The following IGSF21 variants were observed in gnomAD, a reference collection of about 807,000 sequenced individuals.
IGSF21 encodes immunoglobulin superfamily member 21.
IGSF21 carries 28 observed loss-of-function variants against 46.8 expected under a neutral mutation model. The ratio of observed to expected loss-of-function variants is 0.60; its 90% CI spans 0.44 to 0.82. IGSF21 has a LOEUF of 0.82. IGSF21 is among the 40% of genes least tolerant of loss of function. The pLI is 0.00. For synonymous variants in IGSF21, 284 were observed against 273.6 expected, an observed-to-expected ratio of 1.04 and a Z score of -0.38; for missense variants, 624 against 665.5, an observed-to-expected ratio of 0.94 and a Z score of 0.69.
At chr1:18,255,884 G>A (rs1031253039) in intron 2 of IGSF21, among the ~76,000 whole-genome samples, 1 of 152,174 alleles carries the variant, frequency 6.6e-6, no homozygotes, top group East Asian at 1.9e-4. Context: ...GTGCAGGCTT[G>A]TGCAGCCCCA....
chr1:18,319,370 G>A (rs974887630), intron 3 of IGSF21, among the ~76,000 whole-genome samples: 1 of 152,222 alleles, frequency 6.6e-6, no homozygotes, highest in Non-Finnish European at 1.5e-5. Context: ...TAGTCACATG[G>A]CCACCTGCTG....
intron 1 of IGSF21, among the ~76,000 whole-genome samples, chr1:18,198,962 G>T (rs2087037990): frequency 1.3e-5 from 2 of 151,990 alleles, no homozygotes; most frequent in Non-Finnish European, 2.9e-5. Context: ...CAGGTTCCAT[G>T]GGCCAGATGA....
chr1:18,146,667 T>G (rs563384116), intron 1 of IGSF21, among the ~76,000 whole-genome samples: 161 of 152,288 alleles, frequency 1.1e-3, no homozygotes, highest in African/African-American at 3.7e-3. Context: ...CAAACTGGAA[T>G]TGGTTTCTGG....
At chr1:18,300,584 G>C (rs557185110) in intron 3 of IGSF21, among the ~76,000 whole-genome samples, 2 of 152,344 alleles carry the variant, frequency 1.3e-5, no homozygotes, top group East Asian at 3.9e-4. Context: ...TGGGCTGCCA[G>C]TCATTAGCAA....
Position 18,273,344 on chromosome 1 carries a change from C to CCTTTCCTTTCCTTTG in IGSF21, c.184-18508_184-18507insGCTTTCCTTTCCTTT, listed in dbSNP as rs1461966722. Among the ~76,000 whole-genome samples, 10 of 60,116 alleles carry CCTTTCCTTTCCTTTG rather than the reference C, an allele frequency of 1.7e-4. 1 individual carries two copies. The highest frequency in any genetic ancestry group is 6.6e-4 in the African/African-American group (9 of 13,678). 39.4% of individuals were successfully genotyped at this position (60,116 alleles called of 152,430 possible). A position where few individuals can be genotyped will look rare whatever the true frequency, so the allele number is the denominator to read the frequency against. On this transcript the variant is annotated intron_variant, in intron 2 of 9. Coordinates refer to ENST00000251296, the MANE Select transcript of IGSF21 (RefSeq NM_032880.5). ...GCATGAGCCACCATTCCTTTCCTTT[C>CCTTTCCTTTCCTTTG]CTTTCCTTTCCTTTCCTTTCCTTTC...
chr1:18,253,479 C>G (rs561651230), intron 2 of IGSF21, among the ~76,000 whole-genome samples: 2 of 152,346 alleles, frequency 1.3e-5, no homozygotes, highest in African/African-American at 4.8e-5. Context: ...CTCCTTGGTC[C>G]TGCCCAGAGA....
At chr1:18,351,612 G>A (rs1314615767) in intron 4 of IGSF21, among the ~76,000 whole-genome samples, 3 of 152,206 alleles carry the variant, frequency 2.0e-5, no homozygotes, top group Admixed American at 2.0e-4. Context: ...CTACTGGCCA[G>A]TTCTTGAATG....
At chr1:18,287,185 A>ATAAAT (rs201023013) in intron 2 of IGSF21, among the ~76,000 whole-genome samples, 5 of 134,300 alleles carry the variant, frequency 3.7e-5, no homozygotes, top group African/African-American at 5.8e-5. Flanking sequence ...CGTCTCAAAA[A>ATAAAT]AAAAAAATAA....
intron 4 of IGSF21, among the ~76,000 whole-genome samples, chr1:18,341,801 A>G (rs1197765644): frequency 1.3e-5 from 2 of 152,180 alleles, no homozygotes; most frequent in African/African-American, 2.4e-5. Context: ...CATTAATAAA[A>G]TGTTCTATCT....
chr1:18,141,915 C>G (rs2086418597), intron 1 of IGSF21, among the ~76,000 whole-genome samples: 1 of 151,874 alleles, frequency 6.6e-6, no homozygotes, highest in Non-Finnish European at 1.5e-5. Flanking sequence ...ACAAAAAATA[C>G]AAAAATCAGC....
At chr1:18,184,209 T>C (rs2086882016) in intron 1 of IGSF21, among the ~76,000 whole-genome samples, 1 of 152,210 alleles carries the variant, frequency 6.6e-6, no homozygotes, top group Admixed American at 6.5e-5. Flanking sequence ...AGCCTTGGGC[T>C]TCTCACAGAG....
chr1:18,271,695 A>G (rs1387912646), intron 2 of IGSF21, among the ~76,000 whole-genome samples: 1 of 152,216 alleles, frequency 6.6e-6, no homozygotes. Context: ...AGAAGGAGCA[A>G]CATGGTGGAT....
rs117330516 is a variant in IGSF21, at chr1:18,189,774, G to A, written c.71-38124G>A. On this transcript the variant is annotated intron_variant, in intron 1 of 9. Transcript: ENST00000251296. ...GTCATGTGAACAATGGGGAGTGGCT[G>A]TAAACATAGATGAAGCTTGCCTGCC... Among the ~76,000 whole-genome samples the A allele has an allele frequency of 4.0e-3, 614 of 152,288 alleles. 16 individuals carry two copies. In the South Asian group the frequency reaches 0.08, roughly 20 times the overall value.
intron 1 of IGSF21, chr1:18,111,310 G>T (rs921670920): frequency 3.3e-5 from 5 of 152,110 alleles, no homozygotes; most frequent in African/African-American, 1.2e-4. Context: ...CCCCATAACC[G>T]CTCTGCAAAT....
At chr1:18,278,587 C>G (rs1256424514) in intron 2 of IGSF21, among the ~76,000 whole-genome samples, 1 of 145,660 alleles carries the variant, frequency 6.9e-6, no homozygotes, top group African/African-American at 2.6e-5. Context: ...AGGGTCTTGT[C>G]CTGTCACCCA....
At chr1:18,133,318 C>T (rs374329127) in intron 1 of IGSF21, among the ~76,000 whole-genome samples, 2 of 152,206 alleles carry the variant, frequency 1.3e-5, no homozygotes, top group East Asian at 1.9e-4. Context: ...CTGGTCTAAC[C>T]CCCATGTCAC....
At chr1:18,195,695 C>G (rs72655138) in intron 1 of IGSF21, among the ~76,000 whole-genome samples, 2 of 152,360 alleles carry the variant, frequency 1.3e-5, no homozygotes, top group African/African-American at 2.4e-5. Context: ...GCACCTAACA[C>G]AGGCAGCGGC....
chr1:18,347,125 AGCCTGCTGACT>A lies in IGSF21; in HGVS notation c.424+12120_424+12130del, dbSNP rs1184275735. Among the ~76,000 whole-genome samples the A allele has an allele frequency of 1.7e-4, 26 of 152,312 alleles. No homozygotes were observed. In the South Asian group the frequency reaches 3.1e-3, roughly 18 times the overall value. ...TCCCAGCATCAGCCCCAAAGGTCCA[AGCCTGCTGACT>A]GCCTCCTGGACAGGCTTCTAGAACC... is the stretch of plus-strand genomic sequence containing the variant. On this transcript the variant is annotated intron_variant, in intron 4 of 9. Transcript: ENST00000251296.
At chr1:18,177,341 C>T (rs2124465572) in intron 1 of IGSF21, among the ~76,000 whole-genome samples, 1 of 30,734 alleles carries the variant, frequency 3.3e-5, no homozygotes, top group African/African-American at 1.2e-4. Context: ...GAGCATGTAC[C>T]CAGAGATGGC....
Sources: allele counts gnomAD v4.1 joint callset (sites outside exome capture counted in the v4.1 genomes callset), GRCh38; gene constraint gnomAD v4.1.1; transcripts MANE v1.5; gene names NCBI Gene and HGNC (gene_info 2026-07-23, HGNC 2026-07-21).